Variants in RB1 observed in about 807,000 individuals in gnomAD.
RB1 encodes the protein RB transcriptional corepressor 1.
In RB1, 18 loss-of-function variants were observed where a neutral mutation model predicts 135.4. The ratio of observed to expected loss-of-function variants is 0.13; its 90% CI spans 0.09 to 0.20. The LOEUF (loss-of-function observed/expected upper bound fraction) is 0.20, where lower values mean the gene tolerates loss of function less well. RB1 is among the 10% of genes least tolerant of loss of function. The pLI, the probability that RB1 is intolerant of heterozygous loss-of-function variation, is 1.00. For missense variants in RB1, 868 were observed against 1,110.0 expected, an observed-to-expected ratio of 0.78 and a Z score of 3.10; for synonymous variants, 365 against 373.2, an observed-to-expected ratio of 0.98 and a Z score of 0.25.
intron 12 of RB1, among the ~76,000 whole-genome samples, chr13:48,375,531 G>A (rs894637791): frequency 1.3e-5 from 2 of 149,328 alleles, no homozygotes; most frequent in African/African-American, 4.9e-5. Context: ...TGAAAATGTC[G>A]CCAGACAATG....
At chr13:48,413,048 T>A (rs1948845190) in intron 17 of RB1, 1 of 167,264 alleles carries the variant, frequency 6.0e-6, no homozygotes, top group Non-Finnish European at 1.5e-5. Flanking sequence ...CTCCCAAGCT[T>A]GTTAGCTCTT....
intron 7 of RB1, 65 bp from the exon 8 acceptor site, chr13:48,362,750 A>G (rs561540517): frequency 6.6e-7 from 1 of 1,516,730 alleles, no homozygotes; most frequent in South Asian, 1.1e-5. Flanking sequence ...AGTTATAGTT[A>G]GAATACTTCA....
intron 17 of RB1, among the ~76,000 whole-genome samples, chr13:48,388,935 G>C (rs1224933512): frequency 6.6e-6 from 1 of 152,144 alleles, no homozygotes; most frequent in African/African-American, 2.4e-5. Flanking sequence ...TGAGGCAGGT[G>C]GATCACTTGA....
chr13:48,412,215 A>G (rs750125863), intron 17 of RB1: 2 of 1,614,002 alleles, frequency 1.2e-6, no homozygotes, highest in Admixed American at 1.7e-5. Context: ...CCTGAAGGGT[A>G]AAGTAAAAAC....
intron 2 of RB1, chr13:48,318,594 C>T: frequency 1.6e-6 from 1 of 619,426 alleles, no homozygotes; most frequent in East Asian, 3.1e-5. Context: ...CCCCTCATGG[C>T]CGGGCACGGC....
rs142686113 is a variant in RB1, at chr13:48,376,431, C to T, written c.1216-487C>T. Among the ~76,000 whole-genome samples the T allele has an allele frequency of 5.5e-5, 8 of 145,300 alleles. No homozygotes were observed. In the South Asian group the frequency reaches 1.7e-3, roughly 31 times the overall value. On this transcript the variant is annotated intron_variant, in intron 12 of 26. Coordinates refer to ENST00000267163, the MANE Select transcript of RB1 (RefSeq NM_000321.3). ...AGGAGAATCACTTGAACTTGGGAGG[C>T]GGAGGTTGCAGTAAGCCGAGATTGC...
chr13:48,348,664 A>G (rs1443391204), intron 5 of RB1, among the ~76,000 whole-genome samples: 1 of 151,252 alleles, frequency 6.6e-6, no homozygotes, highest in Non-Finnish European at 1.5e-5. Flanking sequence ...TTCAAAATGT[A>G]TACTTTTTTT....
At chr13:48,341,334 T>A (rs1952441017) in intron 2 of RB1, 1 of 152,020 alleles carries the variant, frequency 6.6e-6, no homozygotes, top group Non-Finnish European at 1.5e-5. Context: ...CTTTTTTTTT[T>A]ATATTTGGGT....
chr13:48,379,461 G>C lies in RB1; in HGVS notation c.1333-133G>C, dbSNP rs887227320. The C allele has an allele frequency of 4.3e-6, 5 of 1,169,246 alleles. No homozygotes were observed. In the African/African-American group the frequency reaches 7.9e-5, roughly 18 times the overall value. 72.4% of individuals were successfully genotyped at this position (1,169,246 alleles called of 1,614,324 possible). ...GCCTCTTGGGAGGCCAAAGCAGGAG[G>C]ATCTCTTGAGCCCAGGAGTGTGAAG... On this transcript the variant is annotated intron_variant, in intron 13 of 26. Transcript: ENST00000267163.
chr13:48,316,857 T>TC (rs1952188740), intron 2 of RB1: 1 of 314,158 alleles, frequency 3.2e-6, no homozygotes, highest in South Asian at 5.4e-5. Flanking sequence ...CTCGAGGGCT[T>TC]AGACCTTCAC....
intron 17 of RB1, among the ~76,000 whole-genome samples, chr13:48,395,787 A>G (rs1948643346): frequency 6.6e-6 from 1 of 152,192 alleles, no homozygotes; most frequent in Non-Finnish European, 1.5e-5. Context: ...GGGAGAGTGG[A>G]ACCAAGTTAG....
chr13:48,343,357 A>T (rs2138085020), intron 3 of RB1, among the ~76,000 whole-genome samples: 1 of 152,300 alleles, frequency 6.6e-6, no homozygotes, highest in Middle Eastern at 3.4e-3. Flanking sequence ...TTTACCAAAT[A>T]GGTAATTATG....
chr13:48,360,145 G>A lies in RB1; in HGVS notation c.718+18G>A. The A allele has an allele frequency of 1.2e-6, 2 of 1,611,344 alleles. No homozygotes were observed. Among genetic ancestry groups the A allele is most frequent in the Non-Finnish European group, 8.5e-7 (1 of 1,178,660 alleles). On this transcript the variant is annotated intron_variant, in intron 7 of 26. Transcript: ENST00000267163. ...ACCATATAGTAAGTATTTAATTTAT[G>A]CCCCTTTTACTTTCTCATTCAGCAG...
chr13:48,400,717 C>T (rs116340625), intron 17 of RB1, among the ~76,000 whole-genome samples: 203 of 152,098 alleles, frequency 1.3e-3, no homozygotes, highest in African/African-American at 4.5e-3. Flanking sequence ...CTCAGGTTTC[C>T]TTGTATGTAA....
chr13:48,371,232 T>G (rs1231168968), intron 11 of RB1, among the ~76,000 whole-genome samples: 1 of 152,138 alleles, frequency 6.6e-6, no homozygotes, highest in African/African-American at 2.4e-5. Context: ...TCAGACATAA[T>G]TTTTGCAAGT....
chr13:48,319,016 G>A lies in RB1; in HGVS notation c.264+11610G>A. On this transcript the variant is annotated intron_variant, in intron 2 of 26. Coordinates refer to ENST00000267163, the MANE Select transcript of RB1 (RefSeq NM_000321.3). This position sits in a 1 kb window ranked among gnomAD's most constrained non-coding sequence, Gnocchi z 5.0. ...CATGGGGGCCGGCAGGGTAGTCTTG[G>A]AAATGCCCAAGATTGCTTCCGCGCG... 1.4e-6 allele frequency: 1 copy of A among 697,568 alleles called. No individual in the cohort carries two copies. The highest frequency in any genetic ancestry group is 2.6e-6 in the Non-Finnish European group (1 of 382,246). 43.2% of individuals were successfully genotyped at this position (697,568 alleles called of 1,614,324 possible). A position where few individuals can be genotyped will look rare whatever the true frequency, so the allele number is the denominator to read the frequency against.
At chr13:48,442,202 T>C (rs1244851866) in intron 17 of RB1, among the ~76,000 whole-genome samples, 1 of 149,940 alleles carries the variant, frequency 6.7e-6, no homozygotes, top group Non-Finnish European at 1.5e-5. Flanking sequence ...ACAGTATGAA[T>C]TTTATTTTTT....
At chr13:48,311,763 T>C (rs1219524685) in intron 2 of RB1, among the ~76,000 whole-genome samples, 4 of 152,240 alleles carry the variant, frequency 2.6e-5, no homozygotes, top group African/African-American at 7.2e-5. Context: ...CTGGAGTGCG[T>C]GGCACGATCT....
intron 11 of RB1, among the ~76,000 whole-genome samples, chr13:48,371,610 C>T (rs1952759233): frequency 6.6e-6 from 1 of 151,786 alleles, no homozygotes; most frequent in African/African-American, 2.4e-5. Context: ...AAGAAGATAT[C>T]TAGTAAGCAG....
Sources: gnomAD v4.1 joint callset for allele counts (sites outside exome capture counted in the v4.1 genomes callset) on GRCh38, gnomAD v4.1.1 for gene constraint, Gnocchi (gnomAD v3.1) non-coding constraint, MANE v1.5 for transcripts, NCBI Gene and HGNC (gene_info 2026-07-23, HGNC 2026-07-21) for gene names.